Variants in KLHDC1 observed in about 807,000 individuals in gnomAD.
The protein encoded by KLHDC1 is kelch domain containing 1.
KLHDC1 carries 53 observed loss-of-function variants against 68.3 expected under a neutral mutation model. The ratio of observed to expected loss-of-function variants is 0.78; its 90% CI spans 0.62 to 0.98. KLHDC1 has a LOEUF of 0.98. KLHDC1 is among the 50% of genes least tolerant of loss of function. The pLI, the probability that KLHDC1 is intolerant of heterozygous loss-of-function variation, is 0.00. For synonymous variants in KLHDC1, 148 were observed against 159.0 expected, an observed-to-expected ratio of 0.93 and a Z score of 0.52; for missense variants, 470 against 492.3, an observed-to-expected ratio of 0.95 and a Z score of 0.43.
chr14:49,710,220 T>A (rs778604288), intron 3 of KLHDC1, 43 bp from the exon 4 acceptor site: 1 of 1,071,872 alleles, frequency 9.3e-7, no homozygotes, highest in Admixed American at 1.8e-5. Context: ...TAGATTTAAT[T>A]TTTAAATGCC....
In KLHDC1 at chr14:49,751,823, A is replaced by T; in HGVS notation, c.*51A>T. 1.1e-6 allele frequency: 1 copy of T among 909,058 alleles called. No homozygotes were observed. The highest frequency in any genetic ancestry group is 1.6e-6 in the Non-Finnish European group (1 of 638,702). The allele number at this position is 909,058 out of a possible 1,614,324, so 56.3% of individuals were successfully genotyped here. ...TATGTTTTAACTTTTTAATCAGACT[A>T]TACATTTACACTCCCAAATTGCAGG... On this transcript the variant is annotated 3_prime_UTR_variant, in exon 13 of 13. Coordinates refer to ENST00000359332, the MANE Select transcript of KLHDC1 (RefSeq NM_172193.3).
At position 49,713,809 on chromosome 14, in the gene KLHDC1, TATATATATATATATATATATATATATATA is replaced by T. The variant is rs1888274383; in HGVS notation, c.404+3429_404+3457del. ...GGCTGAGGCAGGAGGTATATATATATATATATATATATATATATATATATATATATATATATATATATTTTTTTTTTTTT... is the reference window on the plus strand; with the variant it reads ...GGCTGAGGCAGGAGGTATATATATATTATATATATATATTTTTTTTTTTTT... On this transcript the variant is annotated intron_variant, in intron 4 of 12. Transcript: ENST00000359332. 3.4e-4 allele frequency among the ~76,000 whole-genome samples: 9 copies of T among 26,806 alleles called. 1 individual carries two copies. The highest frequency in any genetic ancestry group is 3.0e-4 in the African/African-American group (1 of 3,374). The allele number at this position is 26,806 out of a possible 152,430, so 17.6% of individuals were successfully genotyped here.
chr14:49,738,957 C>T (rs1300808592), intron 10 of KLHDC1, among the ~76,000 whole-genome samples: 2 of 152,198 alleles, frequency 1.3e-5, no homozygotes, highest in East Asian at 3.8e-4. Flanking sequence ...ACCACTGTGA[C>T]AATTTCTTAA....
At chr14:49,716,926 T>A (rs1222493692) in intron 4 of KLHDC1, among the ~76,000 whole-genome samples, 1 of 152,172 alleles carries the variant, frequency 6.6e-6, no homozygotes, top group Non-Finnish European at 1.5e-5. Flanking sequence ...CTATAATAAT[T>A]TACGAATAAG....
At chr14:49,696,208 G>A (rs923027674) in intron 1 of KLHDC1, among the ~76,000 whole-genome samples, 86 of 148,468 alleles carry the variant, frequency 5.8e-4, no homozygotes, top group Non-Finnish European at 5.5e-4. Flanking sequence ...TTGAGACAGA[G>A]TTGCCCAGGC....
At chr14:49,693,942 A>G (rs1026400618) in intron 1 of KLHDC1, among the ~76,000 whole-genome samples, 22 of 151,266 alleles carry the variant, frequency 1.5e-4, no homozygotes, top group African/African-American at 5.1e-4. Flanking sequence ...TAATAGAGAC[A>G]GGGTTTCCCA....
At chr14:49,699,921 A>C (rs1277911905) in intron 1 of KLHDC1, 1 of 185,316 alleles carries the variant, frequency 5.4e-6, no homozygotes, top group African/African-American at 2.4e-5. Flanking sequence ...TAGGGGAAAA[A>C]CTCGGTATCT....
At chr14:49,704,385 C>CTTTTTT (rs1246947964) in intron 1 of KLHDC1, among the ~76,000 whole-genome samples, 4 of 73,590 alleles carry the variant, frequency 5.4e-5, no homozygotes, top group Non-Finnish European at 8.4e-5. Flanking sequence ...TTTTCCTTTT[C>CTTTTTT]TGTTTTTTTT....
intron 1 of KLHDC1, among the ~76,000 whole-genome samples, chr14:49,695,888 C>G (rs1206502420): frequency 6.6e-6 from 1 of 151,968 alleles, no homozygotes; most frequent in East Asian, 1.9e-4. Context: ...CATGGTGAAA[C>G]CCCGTCTCTA....
At chr14:49,695,116 ATGTGTGTGTG>A (rs71115393) in intron 1 of KLHDC1, among the ~76,000 whole-genome samples, 13 of 142,202 alleles carry the variant, frequency 9.1e-5, no homozygotes, top group Non-Finnish European at 1.4e-4. Flanking sequence ...TGCAGTTTTG[ATGTGTGTGTG>A]TGTGTGTGTG....
intron 1 of KLHDC1, among the ~76,000 whole-genome samples, chr14:49,703,491 C>T (rs1027067820): frequency 2.0e-5 from 3 of 151,760 alleles, no homozygotes; most frequent in East Asian, 1.9e-4. Flanking sequence ...TACAGGTGCC[C>T]GCCACCACAC....
At chr14:49,735,380 A>G (rs1259025932) in intron 10 of KLHDC1, among the ~76,000 whole-genome samples, 1 of 151,984 alleles carries the variant, frequency 6.6e-6, no homozygotes, top group Non-Finnish European at 1.5e-5. Context: ...AAAAATACAG[A>G]TTATTTATGC....
chr14:49,709,705 G>A lies in KLHDC1; in HGVS notation c.168-4G>A, dbSNP rs779794645. The A allele has an allele frequency of 5.0e-5, 76 of 1,523,704 alleles. No individual in the cohort carries two copies. Among genetic ancestry groups the A allele is most frequent in the Non-Finnish European group, 8.9e-7 (1 of 1,119,702 alleles). The allele number at this position is 1,523,704 out of a possible 1,614,324, so 94.4% of individuals were successfully genotyped here. ...TATGGGATTCCATGTTATTCTTGCT[G>A]CAGGAGAATGCACCTCATGGAAGGA... On this transcript the variant is annotated splice_region_variant and splice_polypyrimidine_tract_variant and intron_variant, in intron 2 of 12. Transcript: ENST00000359332.
At chr14:49,707,434 A>G (rs527599512) in intron 1 of KLHDC1, among the ~76,000 whole-genome samples, 1 of 126,172 alleles carries the variant, frequency 7.9e-6, no homozygotes, top group African/African-American at 3.1e-5. Context: ...TGCAGCCTCC[A>G]CCTCCGGGGT....
At chr14:49,702,779 A>G (rs1887944042) in intron 1 of KLHDC1, among the ~76,000 whole-genome samples, 1 of 152,128 alleles carries the variant, frequency 6.6e-6, no homozygotes, top group South Asian at 2.1e-4. Flanking sequence ...AGTGGCTAGG[A>G]CTCCATTGGT....
At chr14:49,738,456 C>T (rs1336609479) in intron 10 of KLHDC1, among the ~76,000 whole-genome samples, 1 of 151,702 alleles carries the variant, frequency 6.6e-6, no homozygotes, top group Non-Finnish European at 1.5e-5. Context: ...AAGCAGTTCT[C>T]CTGCCTCAGC....
At chr14:49,698,769 G>C (rs1235432638) in intron 1 of KLHDC1, among the ~76,000 whole-genome samples, 2 of 152,020 alleles carry the variant, frequency 1.3e-5, no homozygotes, top group Non-Finnish European at 2.9e-5. Flanking sequence ...GCCCACCTCG[G>C]CCTCCCAAAG....
intron 4 of KLHDC1, among the ~76,000 whole-genome samples, chr14:49,715,615 G>T (rs759272022): frequency 3.1e-4 from 47 of 150,156 alleles, no homozygotes; most frequent in Non-Finnish European, 6.4e-4. Flanking sequence ...TGCAGTGGCA[G>T]GTACCTGTAG....
At chr14:49,747,124 T>C (rs975634663) in intron 12 of KLHDC1, among the ~76,000 whole-genome samples, 1 of 151,960 alleles carries the variant, frequency 6.6e-6, no homozygotes, top group Non-Finnish European at 1.5e-5. Context: ...TTTTTTGTAT[T>C]TTTAGTAGAG....
Sources: allele counts gnomAD v4.1 joint callset (sites outside exome capture counted in the v4.1 genomes callset), GRCh38; gene constraint gnomAD v4.1.1; transcripts MANE v1.5; gene names NCBI Gene and HGNC (gene_info 2026-07-23, HGNC 2026-07-21).